GALNT17: variants seen among roughly 807,000 people sequenced by gnomAD.
GALNT17 encodes the protein UDP-GalNAc:polypeptide N-acetylgalactosaminyltransferase-like 3.
GALNT17 carries 29 observed loss-of-function variants against 63.7 expected under a neutral mutation model. The ratio of observed to expected loss-of-function variants is 0.46; its 90% CI spans 0.34 to 0.62. The LOEUF (loss-of-function observed/expected upper bound fraction) is 0.62, where lower values mean the gene tolerates loss of function less well. Among genes scored for constraint, GALNT17 ranks in the 20% least tolerant of loss-of-function variants. The pLI is 0.01. For missense variants in GALNT17, 603 were observed against 799.6 expected (o/e 0.75, Z 2.97); for synonymous variants, 305 against 318.3 (o/e 0.96, Z 0.45).
chr7:71,645,335 T>C (rs1157857135), intron 6 of GALNT17, among the ~76,000 whole-genome samples: 2 of 152,216 alleles, frequency 1.3e-5, no homozygotes, highest in African/African-American at 4.8e-5. Context: ...GGTGATTGGA[T>C]CATGGGGCCA....
chr7:71,334,106 TA>T (rs1791855536), intron 1 of GALNT17, among the ~76,000 whole-genome samples: 2 of 152,104 alleles, frequency 1.3e-5, no homozygotes, highest in Non-Finnish European at 2.9e-5. Context: ...CTGAAGAGCA[TA>T]TTGGACGGTG....
intron 5 of GALNT17, among the ~76,000 whole-genome samples, chr7:71,512,006 G>T (rs970104812): frequency 1.5e-5 from 2 of 137,150 alleles, no homozygotes; most frequent in Admixed American, 7.6e-5. Flanking sequence ...ACTAATTTGG[G>T]TTCCAGCCTT....
chr7:71,277,968 G>T (rs1426202803), intron 1 of GALNT17, among the ~76,000 whole-genome samples: 1 of 152,148 alleles, frequency 6.6e-6, no homozygotes, highest in East Asian at 1.9e-4. Flanking sequence ...TGTGTTTGGA[G>T]CCTAAGATAA....
chr7:71,642,174 C>T (rs1036720986), intron 6 of GALNT17, among the ~76,000 whole-genome samples: 13 of 152,254 alleles, frequency 8.5e-5, no homozygotes, highest in African/African-American at 3.1e-4. Flanking sequence ...TCTCATGAAC[C>T]AGGCATCTCA....
At chr7:71,570,485 G>A (rs1306249952) in intron 5 of GALNT17, among the ~76,000 whole-genome samples, 1 of 151,976 alleles carries the variant, frequency 6.6e-6, no homozygotes, top group African/African-American at 2.4e-5. Flanking sequence ...CTTTTTCCTG[G>A]GGTGGGGAGT....
intron 5 of GALNT17, among the ~76,000 whole-genome samples, chr7:71,541,292 G>A (rs1788887431): frequency 6.6e-6 from 1 of 150,940 alleles, no homozygotes; most frequent in Non-Finnish European, 1.5e-5. Flanking sequence ...CCTTATGTGT[G>A]CTGGGCCTGG....
intron 1 of GALNT17, among the ~76,000 whole-genome samples, chr7:71,308,060 T>G (rs1405945053): frequency 6.6e-6 from 1 of 151,884 alleles, no homozygotes; most frequent in African/African-American, 2.4e-5. Context: ...GTCTGAAGGC[T>G]CCGGGTCAGA....
intron 6 of GALNT17, among the ~76,000 whole-genome samples, chr7:71,644,545 AAAAACAAAAG>A (rs1790648272): frequency 1.5e-5 from 2 of 136,024 alleles, no homozygotes; most frequent in African/African-American, 3.4e-5. Context: ...AAAAAAAAAA[AAAAACAAAAG>A]AAAAAAAAAA....
intron 5 of GALNT17, among the ~76,000 whole-genome samples, chr7:71,437,390 C>G (rs1199608850): frequency 6.6e-6 from 1 of 152,188 alleles, no homozygotes; most frequent in Non-Finnish European, 1.5e-5. Flanking sequence ...AAAACATTTG[C>G]TATTTGTTCA....
At chr7:71,165,646 G>T (rs1389664251) in intron 1 of GALNT17, among the ~76,000 whole-genome samples, 1 of 152,198 alleles carries the variant, frequency 6.6e-6, no homozygotes, top group Non-Finnish European at 1.5e-5. Flanking sequence ...AATTCAAGAT[G>T]AGTTTTGGGT....
At chr7:71,649,118 T>C (rs1790720683) in intron 6 of GALNT17, among the ~76,000 whole-genome samples, 1 of 152,168 alleles carries the variant, frequency 6.6e-6, no homozygotes, top group Admixed American at 6.5e-5. Flanking sequence ...GCCCTGACCT[T>C]GAGTCCTAAT....
At chr7:71,140,858 C>CA in intron 1 of GALNT17, among the ~76,000 whole-genome samples, 1 of 151,408 alleles carries the variant, frequency 6.6e-6, no homozygotes, top group Non-Finnish European at 1.5e-5. Flanking sequence ...CTTCTCTCTA[C>CA]AAAAAATAAA....
chr7:71,146,013 G>GTT (rs1242662642), intron 1 of GALNT17, among the ~76,000 whole-genome samples: 1 of 151,462 alleles, frequency 6.6e-6, no homozygotes, highest in African/African-American at 2.4e-5. Flanking sequence ...GCCCGTATGG[G>GTT]TTTTTTTTTA....
At chr7:71,357,733 T>C (rs1467147845) in intron 2 of GALNT17, among the ~76,000 whole-genome samples, 1 of 152,040 alleles carries the variant, frequency 6.6e-6, no homozygotes, top group South Asian at 2.1e-4. Flanking sequence ...ATGGTGAAAC[T>C]GAGAGGTGAA....
chr7:71,432,334 T>A (rs955112544), intron 5 of GALNT17, among the ~76,000 whole-genome samples: 2 of 152,210 alleles, frequency 1.3e-5, no homozygotes, highest in African/African-American at 4.8e-5. Context: ...GAAGCTCACC[T>A]GAGCCTTGGC....
chr7:71,395,060 C>T (rs1195750366), intron 3 of GALNT17, among the ~76,000 whole-genome samples: 1 of 152,048 alleles, frequency 6.6e-6, no homozygotes, highest in Non-Finnish European at 1.5e-5. Context: ...CGAGATCATG[C>T]CATTGCACTC....
At chr7:71,633,029 G>A (rs1342148002) in intron 6 of GALNT17, among the ~76,000 whole-genome samples, 6 of 150,978 alleles carry the variant, frequency 4.0e-5, no homozygotes, top group African/African-American at 1.5e-4. Flanking sequence ...GCTTGAACCC[G>A]GGAGTGGGAG....
At chr7:71,445,031 G>C (rs2116530502) in intron 5 of GALNT17, among the ~76,000 whole-genome samples, 1 of 152,224 alleles carries the variant, frequency 6.6e-6, no homozygotes, top group Non-Finnish European at 1.5e-5. Flanking sequence ...TGGGGGAATG[G>C]AGAGGGGAGA....
intron 5 of GALNT17, among the ~76,000 whole-genome samples, chr7:71,507,422 T>C (rs1275099628): frequency 6.6e-6 from 1 of 152,188 alleles, no homozygotes; most frequent in Non-Finnish European, 1.5e-5. Context: ...AAACACTTGG[T>C]ATGTATCTAT....
Sources: gnomAD v4.1 joint callset for allele counts (sites outside exome capture counted in the v4.1 genomes callset) on GRCh38, gnomAD v4.1.1 for gene constraint, MANE v1.5 for transcripts, NCBI Gene and HGNC (gene_info 2026-07-23, HGNC 2026-07-21) for gene names.